Variants in PKHD1 observed in about 807,000 individuals in gnomAD.
PKHD1 encodes the protein PKHD1 ciliary IPT domain containing fibrocystin/polyductin.
PKHD1 carries 291 observed loss-of-function variants against 412.0 expected under a neutral mutation model. The observed-to-expected ratio is 0.71, with a 90% CI of 0.64 to 0.78. PKHD1 has a LOEUF of 0.78. Among genes scored for constraint, PKHD1 ranks in the 30% least tolerant of loss-of-function variants. The pLI is 0.00. For synonymous variants in PKHD1, 1,777 were observed against 1,821.5 expected (o/e 0.98, Z 0.62); for missense variants, 4,825 against 4,950.7 (o/e 0.97, Z 0.76).
At chr6:51,768,695 C>T (rs1009557641) in intron 55 of PKHD1, among the ~76,000 whole-genome samples, 2 of 151,606 alleles carry the variant, frequency 1.3e-5, no homozygotes, top group Non-Finnish European at 2.9e-5. Context: ...AATATATTGG[C>T]TAAAACTTTA....
At chr6:51,768,318 G>A (rs1789484882) in intron 55 of PKHD1, among the ~76,000 whole-genome samples, 1 of 151,930 alleles carries the variant, frequency 6.6e-6, no homozygotes, top group African/African-American at 2.4e-5. Flanking sequence ...TGTGATTCAA[G>A]TTGTATTAGA....
At chr6:51,699,045 T>C (rs1485378672) in intron 60 of PKHD1, among the ~76,000 whole-genome samples, 1 of 152,210 alleles carries the variant, frequency 6.6e-6, no homozygotes, top group Non-Finnish European at 1.5e-5. Context: ...TAAGCCTCAG[T>C]TGGTTAAACA....
At chr6:51,721,289 T>C (rs967788071) in intron 60 of PKHD1, 3 of 902,254 alleles carry the variant, frequency 3.3e-6, no homozygotes, top group South Asian at 5.1e-5. Context: ...ATTTATGTTC[T>C]TTCTTTACCA....
rs35175045 is a variant in PKHD1, at chr6:52,033,357, C to T, written c.3229-192G>A. Among the ~76,000 whole-genome samples, 29,105 of 152,128 alleles carry T rather than the reference C, an allele frequency of 0.19. 3,517 individuals carry two copies. The highest frequency in any genetic ancestry group is 0.28 in the Non-Finnish European group (18,985 of 67,974). Reference sequence around the variant, plus strand: ...ACACTCTCCCCATCCTGCCCCCACACCCACAACACAGAGTGATAAGTGCTT... The same window carrying T: ...ACACTCTCCCCATCCTGCCCCCACATCCACAACACAGAGTGATAAGTGCTT... On this transcript the variant is annotated intron_variant, in intron 28 of 66. Coordinates refer to ENST00000371117, the MANE Select transcript of PKHD1 (RefSeq NM_138694.4).
chr6:51,786,548 A>T (rs1056600252), intron 53 of PKHD1, among the ~76,000 whole-genome samples: 17 of 152,210 alleles, frequency 1.1e-4, no homozygotes, highest in African/African-American at 4.1e-4. Flanking sequence ...AAGGTGCTTC[A>T]TCTACTACCA....
At chr6:52,053,828 G>A (rs1412204469) in intron 20 of PKHD1, among the ~76,000 whole-genome samples, 2 of 152,204 alleles carry the variant, frequency 1.3e-5, no homozygotes, top group Non-Finnish European at 1.5e-5. Flanking sequence ...TATGAGAAAT[G>A]TCAGACTCCC....
At chr6:51,619,726 G>C (rs1262670312) in intron 66 of PKHD1, among the ~76,000 whole-genome samples, 1 of 147,866 alleles carries the variant, frequency 6.8e-6, no homozygotes, top group Non-Finnish European at 1.5e-5. Flanking sequence ...ATACTTACAT[G>C]ATGTTGATAA....
intron 52 of PKHD1, among the ~76,000 whole-genome samples, chr6:51,795,459 C>A (rs2151289853): frequency 6.6e-6 from 1 of 152,230 alleles, no homozygotes; most frequent in Middle Eastern, 3.4e-3. Flanking sequence ...GCTATAGGAT[C>A]ATTTCATCTG....
At chr6:51,674,771 A>T (rs934845929) in intron 60 of PKHD1, among the ~76,000 whole-genome samples, 11 of 152,176 alleles carry the variant, frequency 7.2e-5, no homozygotes, top group East Asian at 1.9e-4. Flanking sequence ...AAAGTGTTTG[A>T]CGATTTGTCA....
At chr6:52,065,456 C>G (rs556560236) in intron 12 of PKHD1, among the ~76,000 whole-genome samples, 4 of 152,074 alleles carry the variant, frequency 2.6e-5, no homozygotes, top group Non-Finnish European at 1.5e-5. Context: ...TGTGACATGA[C>G]AGTGTGAGGA....
At chr6:51,865,345 T>C (rs1774885279) in intron 48 of PKHD1, among the ~76,000 whole-genome samples, 1 of 152,176 alleles carries the variant, frequency 6.6e-6, no homozygotes, top group Non-Finnish European at 1.5e-5. Context: ...AATATTTAAA[T>C]ACTTCTGTCA....
In PKHD1 at chr6:51,707,123, T is replaced by C. The variant is rs142408492; in HGVS notation, c.10156+37262A>G. On this transcript the variant is annotated intron_variant, in intron 60 of 66. Transcript: ENST00000371117. ...AATAAATAAGAAATCATTGCTACCA[T>C]GACAGCCTGATAAGTTTGTTGACAT... Among the ~76,000 whole-genome samples, 30 of 152,310 alleles carry C rather than the reference T, an allele frequency of 2.0e-4. No homozygotes were observed. In the East Asian group the frequency reaches 5.8e-3, roughly 29 times the overall value.
intron 60 of PKHD1, among the ~76,000 whole-genome samples, chr6:51,668,736 T>C (rs1167511743): frequency 1.3e-5 from 2 of 152,216 alleles, no homozygotes; most frequent in Non-Finnish European, 2.9e-5. Flanking sequence ...ACCTAATTTA[T>C]TGAGAGTTTT....
chr6:51,912,105 A>C (rs1339617500), intron 38 of PKHD1, 149 bp from the exon 39 acceptor site: 1 of 719,272 alleles, frequency 1.4e-6, no homozygotes, highest in Non-Finnish European at 2.3e-6. Context: ...TATAGACACA[A>C]GTACATGAAA....
At position 52,046,076 on chromosome 6, in the gene PKHD1, T is replaced by C. The variant is rs1490829825; in HGVS notation, c.2520A>G (p.Leu840=). ...NASDFTVKED[L]YTCYEHVWTL... The stretch of plus-strand genomic sequence containing the variant: ...TCCACACGTGTTCGTAGCAAGTGTA[T>C]AGATCCTCCTTCACAGTGAAGTCAC... The change falls in exon 24 of 67, where the codon CTA becomes CTG. Residue 840 remains leucine, a synonymous_variant. Transcript: ENST00000371117. 2.5e-6 allele frequency: 4 copies of C among 1,613,598 alleles called. No individual in the cohort carries two copies. The highest frequency in any genetic ancestry group is 2.5e-6 in the Non-Finnish European group (3 of 1,179,658).
intron 49 of PKHD1, among the ~76,000 whole-genome samples, chr6:51,850,245 C>T (rs550801400): frequency 6.6e-5 from 10 of 152,072 alleles, no homozygotes; most frequent in Admixed American, 1.3e-4. Flanking sequence ...TCTGCTCCAT[C>T]GGTCTATATG....
At chr6:51,688,516 A>C (rs1777741176) in intron 60 of PKHD1, among the ~76,000 whole-genome samples, 1 of 152,112 alleles carries the variant, frequency 6.6e-6, no homozygotes, top group Non-Finnish European at 1.5e-5. Context: ...CACACAAAAA[A>C]AAAAATTCAA....
At chr6:52,060,108 C>T in intron 14 of PKHD1, 66 bp from the exon 15 acceptor site, 1 of 841,422 alleles carries the variant, frequency 1.2e-6, no homozygotes, top group Admixed American at 1.7e-5. Context: ...CAACAAATGA[C>T]TGCCCTTGTA....
At chr6:52,084,626 A>T (rs1812493450) in intron 2 of PKHD1, among the ~76,000 whole-genome samples, 1 of 152,262 alleles carries the variant, frequency 6.6e-6, no homozygotes. Flanking sequence ...GTATATAGTC[A>T]TAACATTTCA....
Sources: gnomAD v4.1 joint callset for allele counts (sites outside exome capture counted in the v4.1 genomes callset) on GRCh38, gnomAD v4.1.1 for gene constraint, MANE v1.5 for transcripts, NCBI Gene and HGNC (gene_info 2026-07-23, HGNC 2026-07-21) for gene names.